Variants in UBR4 observed in about 807,000 individuals in gnomAD.
The protein encoded by UBR4 is ubiquitin protein ligase E3 component n-recognin 4, also known as E3 ubiquitin-protein ligase UBR4.
A neutral mutation model predicts 575.6 loss-of-function variants in UBR4; 124 were observed. The ratio of observed to expected loss-of-function variants is 0.22; its 90% CI spans 0.19 to 0.25. The LOEUF is 0.25. UBR4 is among the 10% of genes least tolerant of loss of function. The pLI, the probability that UBR4 is intolerant of heterozygous loss-of-function variation, is 1.00. For missense variants in UBR4, 4,818 were observed against 6,478.8 expected, an observed-to-expected ratio of 0.74 and a Z score of 8.80; for synonymous variants, 2,455 against 2,473.7, an observed-to-expected ratio of 0.99 and a Z score of 0.22.
In UBR4 at chr1:19,108,707, CAGA is replaced by C. The variant is rs532076219; in HGVS notation, c.12105+1386_12105+1388del. Among the ~76,000 whole-genome samples, 41 of 152,264 alleles carry C rather than the reference CAGA, an allele frequency of 2.7e-4. 1 individual carries two copies. In the South Asian group the frequency reaches 7.5e-3, roughly 28 times the overall value. On this transcript the variant is annotated intron_variant, in intron 81 of 105. Transcript: ENST00000375254. Reference sequence around the variant, plus strand: ...GGTTTTCTACCGTCAGCACAAACATCAGAAGAATTACAGGGGCAAATAGTGTCT... The same window carrying C: ...GGTTTTCTACCGTCAGCACAAACATCAGAATTACAGGGGCAAATAGTGTCT...
intron 94 of UBR4, 55 bp from the exon 95 acceptor site, chr1:19,094,194 A>T: frequency 6.8e-7 from 1 of 1,463,652 alleles, no homozygotes; most frequent in Non-Finnish European, 9.4e-7. Flanking sequence ...CTGTGGCTGC[A>T]GCCAACATCT....
intron 59 of UBR4, among the ~76,000 whole-genome samples, chr1:19,138,596 C>G (rs1455527135): frequency 2.0e-5 from 3 of 152,194 alleles, no homozygotes; most frequent in East Asian, 3.9e-4. Context: ...CATTCTAGAG[C>G]CCCACCTCAT....
intron 87 of UBR4, 87 bp downstream of exon 87, chr1:19,103,997 T>A: frequency 6.7e-7 from 1 of 1,487,282 alleles, no homozygotes; most frequent in South Asian, 1.3e-5. Flanking sequence ...CCTCTGGATC[T>A]GTGGAACTGG....
chr1:19,209,483 AAC>A (rs972054348), intron 1 of UBR4, among the ~76,000 whole-genome samples: 4 of 152,230 alleles, frequency 2.6e-5, no homozygotes, highest in Admixed American at 2.6e-4. Context: ...GCAGCAAGAG[AAC>A]ACACACACCA....
rs375997717 is a variant in UBR4 at position 19,151,844 on chromosome 1, T to C, written c.7012A>G (p.Ile2338Val). Residue 2338 changes from isoleucine (I) to valine (V), a missense_variant, in exon 48 of 106, where the codon ATT (isoleucine) becomes GTT (valine). Physicochemically the swap from Ile to Val is conservative, Grantham distance 29. Transcript: ENST00000375254. Reference protein sequence around the residue: ...VANTKPGGFTIEISNNNSTMV... With the variant: ...VANTKPGGFTVEISNNNSTMV... Reference sequence around the variant, plus strand: ...GTGCTATTGTTGTTACTAATCTCAATGGTGAAGCCTCCGGGCTGTAGGGAG... The same window carrying C: ...GTGCTATTGTTGTTACTAATCTCAACGGTGAAGCCTCCGGGCTGTAGGGAG... The C allele has an allele frequency of 7.5e-6, 12 of 1,602,876 alleles. No homozygotes were observed. The African/African-American group carries it at 1.5e-4, about 20-fold the overall frequency.
intron 84 of UBR4, 80 bp downstream of exon 84, chr1:19,105,653 G>T: frequency 9.0e-7 from 1 of 1,109,826 alleles, no homozygotes; most frequent in Non-Finnish European, 1.3e-6. Flanking sequence ...TCATTACCCT[G>T]ATCCATGGAT....
chr1:19,121,857 A>G, intron 67 of UBR4, 77 bp downstream of exon 67: 1 of 1,486,712 alleles, frequency 6.7e-7, no homozygotes, highest in South Asian at 1.2e-5. Context: ...CATCCAGTTC[A>G]GTGCTTGGCA....
At chr1:19,181,870 C>A (rs113392924) in intron 17 of UBR4, among the ~76,000 whole-genome samples, 2 of 152,170 alleles carry the variant, frequency 1.3e-5, no homozygotes, top group Non-Finnish European at 2.9e-5. Flanking sequence ...AGCACATACA[C>A]ATTATTCTGC....
At chr1:19,196,497 AG>A (rs2092463197) in intron 8 of UBR4, among the ~76,000 whole-genome samples, 1 of 152,260 alleles carries the variant, frequency 6.6e-6, no homozygotes, top group Non-Finnish European at 1.5e-5. Flanking sequence ...CTTAAAGCCA[AG>A]GATCAGTGAT....
At chr1:19,082,641 G>A (rs2076632086) in intron 102 of UBR4, among the ~76,000 whole-genome samples, 1 of 152,012 alleles carries the variant, frequency 6.6e-6, no homozygotes, top group African/African-American at 2.4e-5. Context: ...ACTAGAACCG[G>A]GAAAAAAAAG....
chr1:19,124,830 G>T, intron 64 of UBR4, 140 bp from the exon 65 acceptor site: 2 of 1,118,066 alleles, frequency 1.8e-6, no homozygotes, highest in Non-Finnish European at 2.5e-6. Flanking sequence ...AAGACTGACT[G>T]ACAGTTTATT....
At chr1:19,156,604 T>C (rs549523734) in intron 41 of UBR4, among the ~76,000 whole-genome samples, 163 bp downstream of exon 41, 1 of 152,318 alleles carries the variant, frequency 6.6e-6, no homozygotes, top group Non-Finnish European at 1.5e-5. Flanking sequence ...TGGAGAAATC[T>C]GAAAGATCTG....
intron 42 of UBR4, 84 bp downstream of exon 42, chr1:19,156,187 C>T (rs2150384427): frequency 2.6e-6 from 4 of 1,540,196 alleles, no homozygotes; most frequent in Non-Finnish European, 3.5e-6. Flanking sequence ...TTTTTTAACT[C>T]CTGGGAGAAG....
chr1:19,177,582 T>C lies in UBR4; in HGVS notation c.2516A>G (p.Glu839Gly). 2 of 1,613,534 alleles carry C rather than the reference T, an allele frequency of 1.2e-6. No individual in the cohort carries two copies. Among genetic ancestry groups the C allele is most frequent in the African/African-American group, 2.7e-5 (2 of 74,816 alleles). ...CTGAGCATCCATGTTGACGCTCAACTCCTGGATGATCTGGACAAAAAGCGA... is the reference window on the plus strand; with the variant it reads ...CTGAGCATCCATGTTGACGCTCAACCCCTGGATGATCTGGACAAAAAGCGA... ...ILSLFVQIIQ[E>G]LSVNMDAQMR... Residue 839 changes from glutamate (E) to glycine (G), a missense_variant, in exon 19 of 106, where the codon GAG becomes GGG. Physicochemically the swap from Glu to Gly is moderately conservative, Grantham distance 98. Around this residue, in one of 29 missense-constraint regions of UBR4, gnomAD observed 1,172 missense variants for 1,259.7 expected, o/e 0.93. Transcript: ENST00000375254.
At chr1:19,149,678 G>C (rs2085374370) in intron 49 of UBR4, 7 of 1,167,982 alleles carry the variant, frequency 6.0e-6, no homozygotes, top group South Asian at 4.1e-5. Context: ...AACAGAAGCA[G>C]AATCAATGCA....
rs1289357845 is a variant in UBR4 at position 19,147,018 on chromosome 1, C to T, written c.7630-18G>A. 6.4e-7 allele frequency: 1 copy of T among 1,571,750 alleles called. No individual in the cohort carries two copies. On this transcript the variant is annotated intron_variant, in intron 51 of 105. Transcript: ENST00000375254. ...GCCTGATCCTGTAAAACAACAGGAG[C>T]ACAGAGGGTCAGCCATAAGCAAGAG... is the stretch of plus-strand genomic sequence containing the variant.
At chr1:19,192,624 C>T (rs761032589) in intron 9 of UBR4, 84 bp from the exon 10 acceptor site, 2 of 1,454,208 alleles carry the variant, frequency 1.4e-6, no homozygotes, top group Non-Finnish European at 1.9e-6. Context: ...AACAATTTAA[C>T]TTGAAGAGTT....
At chr1:19,119,382 T>C (rs192761616) in intron 70 of UBR4, among the ~76,000 whole-genome samples, 175 bp downstream of exon 70, 111 of 152,362 alleles carry the variant, frequency 7.3e-4, no homozygotes, top group African/African-American at 2.5e-3. Flanking sequence ...TAGTGTATAC[T>C]GTCTACATCA....
chr1:19,123,244 G>T (rs2081364661), intron 65 of UBR4, among the ~76,000 whole-genome samples, 184 bp from the exon 66 acceptor site: 1 of 152,090 alleles, frequency 6.6e-6, no homozygotes, highest in African/African-American at 2.4e-5. Flanking sequence ...TTGAGGTCAG[G>T]AATTTGAGAC....
Sources: gnomAD v4.1 joint callset for allele counts (sites outside exome capture counted in the v4.1 genomes callset) on GRCh38, gnomAD v4.1.1 for gene constraint, gnomAD v4.1.1 regional missense constraint, MANE v1.5 for transcripts, NCBI Gene and HGNC (gene_info 2026-07-23, HGNC 2026-07-21) for gene names.